Variants in MAP3K13 observed in about 807,000 individuals in gnomAD.
The protein encoded by MAP3K13 is mitogen-activated protein kinase kinase kinase 13, also known as leucine zipper-bearing kinase.
Under a neutral mutation model 104.0 loss-of-function variants are expected in MAP3K13, and 52 were observed. The observed-to-expected ratio is 0.50, with a 90% confidence interval of 0.40 to 0.63. MAP3K13 has a LOEUF of 0.63. MAP3K13 is among the 20% of genes least tolerant of loss of function. MAP3K13 has a pLI of 0.00. For synonymous variants in MAP3K13, 394 were observed against 442.2 expected, an observed-to-expected ratio of 0.89 and a Z score of 1.37; for missense variants, 914 against 1,218.5, an observed-to-expected ratio of 0.75 and a Z score of 3.72.
At chr3:185,324,270 G>A (rs1016011270) in intron 2 of MAP3K13, among the ~76,000 whole-genome samples, 4 of 151,874 alleles carry the variant, frequency 2.6e-5, no homozygotes, top group African/African-American at 7.3e-5. Flanking sequence ...CGCCTGCCTC[G>A]GCCTCCCAAA....
At chr3:185,352,917 A>AG (rs1005851678) in intron 2 of MAP3K13, among the ~76,000 whole-genome samples, 2 of 152,250 alleles carry the variant, frequency 1.3e-5, no homozygotes, top group African/African-American at 4.8e-5. Flanking sequence ...TGATTGATTC[A>AG]GGGCAGGTTG....
At chr3:185,456,681 A>G (rs1313596542) in intron 7 of MAP3K13, among the ~76,000 whole-genome samples, 1 of 137,566 alleles carries the variant, frequency 7.3e-6, no homozygotes, top group Non-Finnish European at 1.5e-5. Context: ...TGCTCACTGC[A>G]GCCTCCACCT....
Position 185,418,327 on chromosome 3 carries a change from G to T in MAP3K13, c.-85-10170G>T. ...TTCAACTTTATCTTCAAATACCAAA[G>T]GAAGTTCAGGAACTTCCTCAATACG... On this transcript the variant is annotated intron_variant, in intron 1 of 13. Coordinates refer to ENST00000265026, the MANE Select transcript of MAP3K13 (RefSeq NM_004721.5). The surrounding 1 kb of genome is among the most constrained non-coding windows in gnomAD (Gnocchi z 4.5). 1 of 1,585,222 alleles carries T rather than the reference G, an allele frequency of 6.3e-7. No individual in the cohort carries two copies. Among genetic ancestry groups the T allele is most frequent in the Non-Finnish European group, 8.7e-7 (1 of 1,155,574 alleles).
chr3:185,466,989 T>G, intron 10 of MAP3K13, 26 bp downstream of exon 10: 1 of 1,613,574 alleles, frequency 6.2e-7, no homozygotes, highest in South Asian at 1.1e-5. Flanking sequence ...AAACGCAGTA[T>G]TCAGATAAAT....
intron 2 of MAP3K13, among the ~76,000 whole-genome samples, chr3:185,354,425 G>A (rs1376519625): frequency 1.3e-5 from 2 of 150,518 alleles, no homozygotes; most frequent in African/African-American, 4.9e-5. Context: ...TTAGGCTACC[G>A]GGTGATGCTC....
intron 1 of MAP3K13, among the ~76,000 whole-genome samples, chr3:185,385,756 A>T (rs1306716763): frequency 6.8e-6 from 1 of 147,898 alleles, no homozygotes; most frequent in Non-Finnish European, 1.5e-5. Context: ...TAGTCCCAGC[A>T]CTTTGGGAGG....
chr3:185,459,785 A>G (rs1408597823), intron 7 of MAP3K13, among the ~76,000 whole-genome samples: 2 of 152,118 alleles, frequency 1.3e-5, no homozygotes, highest in Non-Finnish European at 2.9e-5. Context: ...ACTCAGTGGC[A>G]TTAATTACAT....
chr3:185,428,340 A>G (rs1364090139), intron 1 of MAP3K13, among the ~76,000 whole-genome samples, 157 bp from the exon 2 acceptor site: 1 of 152,142 alleles, frequency 6.6e-6, no homozygotes, highest in African/African-American at 2.4e-5. Flanking sequence ...ACTCTTCCAC[A>G]GCATAATTTT....
At position 185,455,137 on chromosome 3, in the gene MAP3K13, TG is replaced by T. The variant is rs1560118478; in HGVS notation, c.1278+3743del. 7.9e-3 allele frequency among the ~76,000 whole-genome samples: 874 copies of T among 110,464 alleles called. 5 individuals carry two copies. Among genetic ancestry groups the T allele is most frequent in the Non-Finnish European group, 0.013 (726 of 56,788 alleles). The allele number at this position is 110,464 out of a possible 152,430, so 72.5% of individuals were successfully genotyped here. Reference sequence around the variant, plus strand: ...ATGAGATATATGTGAGATATATATATGATATATATGTGAGATATATATGATA... The same window carrying T: ...ATGAGATATATGTGAGATATATATATATATATATGTGAGATATATATGATA... On this transcript the variant is annotated intron_variant, in intron 7 of 13. Coordinates refer to ENST00000265026, the MANE Select transcript of MAP3K13 (RefSeq NM_004721.5).
At chr3:185,440,390 G>A (rs1011213119) in intron 3 of MAP3K13, among the ~76,000 whole-genome samples, 10 of 152,192 alleles carry the variant, frequency 6.6e-5, no homozygotes, top group African/African-American at 2.4e-4. Flanking sequence ...AGGAGGCTGA[G>A]TACCTTCAAA....
chr3:185,447,448 C>G (rs142728066), intron 4 of MAP3K13, among the ~76,000 whole-genome samples: 1 of 127,868 alleles, frequency 7.8e-6, no homozygotes, highest in African/African-American at 3.0e-5. Context: ...CAGCTGAGAT[C>G]GTGCCATTGC....
At chr3:185,311,722 G>A (rs1477431654) in intron 2 of MAP3K13, among the ~76,000 whole-genome samples, 1 of 152,076 alleles carries the variant, frequency 6.6e-6, no homozygotes, top group Non-Finnish European at 1.5e-5. Context: ...TACATTTTTG[G>A]TTGAAAGCAA....
intron 2 of MAP3K13, among the ~76,000 whole-genome samples, chr3:185,339,917 G>A (rs1269586635): frequency 2.6e-5 from 4 of 152,070 alleles, no homozygotes; most frequent in African/African-American, 4.8e-5. Flanking sequence ...GATCATGCAA[G>A]CTGAAACTAT....
chr3:185,455,310 G>T (rs201108295), intron 7 of MAP3K13, among the ~76,000 whole-genome samples: 5,072 of 14,758 alleles, frequency 0.34, 1,965 homozygotes, highest in Non-Finnish European at 0.56. Context: ...ATATATATGA[G>T]ATATATATGA....
intron 7 of MAP3K13, among the ~76,000 whole-genome samples, chr3:185,452,256 C>G (rs1341626074): frequency 1.3e-5 from 2 of 152,144 alleles, no homozygotes; most frequent in African/African-American, 4.8e-5. Flanking sequence ...CAAGGTCTCA[C>G]TCTGTCAACC....
chr3:185,311,682 C>G (rs562811767), intron 2 of MAP3K13, among the ~76,000 whole-genome samples: 1 of 152,196 alleles, frequency 6.6e-6, no homozygotes, highest in Non-Finnish European at 1.5e-5. Flanking sequence ...AGGCTCCCCT[C>G]TCCTTCTCAT....
chr3:185,322,559 C>T (rs779488425), intron 2 of MAP3K13, among the ~76,000 whole-genome samples: 5 of 152,162 alleles, frequency 3.3e-5, no homozygotes, highest in Admixed American at 6.6e-5. Flanking sequence ...CAGTTTTGGC[C>T]GCTCCTTCCT....
rs145408096 is a variant in MAP3K13, at chr3:185,307,788, C to T, written c.-86+22145C>T. Among the ~76,000 whole-genome samples, 815 of 151,770 alleles carry T rather than the reference C, an allele frequency of 5.4e-3. 11 individuals are homozygous for T. Among genetic ancestry groups the T allele is most frequent in the African/African-American group, 0.019 (786 of 41,348 alleles). On this transcript the variant is annotated intron_variant, in intron 2 of 14. Coordinates refer to the MAP3K13 transcript ENST00000424227. ...TGAACTCCTGACCTTGTGATCTGCCCGCCTCGGCCTCCCAAAGTGCTGGGA... is the reference window on the plus strand; with the variant it reads ...TGAACTCCTGACCTTGTGATCTGCCTGCCTCGGCCTCCCAAAGTGCTGGGA...
chr3:185,289,656 GA>G (rs1226822163), intron 2 of MAP3K13, among the ~76,000 whole-genome samples: 1 of 151,636 alleles, frequency 6.6e-6, no homozygotes, highest in African/African-American at 2.4e-5. Context: ...TAGAGGCAAA[GA>G]AAAAAAGAAA....
Sources: gnomAD v4.1 joint callset for allele counts (sites outside exome capture counted in the v4.1 genomes callset) on GRCh38, gnomAD v4.1.1 for gene constraint, Gnocchi (gnomAD v3.1) non-coding constraint, MANE v1.5 for transcripts, NCBI Gene and HGNC (gene_info 2026-07-23, HGNC 2026-07-21) for gene names.